ARPP21: variants seen among roughly 807,000 people sequenced by gnomAD.
The protein encoded by ARPP21 is cAMP regulated phosphoprotein 21, also known as cAMP-regulated phosphoprotein 21.
ARPP21 carries 69 observed loss-of-function variants against 113.2 expected under a neutral mutation model. The observed-to-expected ratio is 0.61, with a 90% confidence interval of 0.50 to 0.74. The LOEUF is 0.74. Among genes scored for constraint, ARPP21 ranks in the 30% least tolerant of loss-of-function variants. ARPP21 has a pLI of 0.00. For synonymous variants in ARPP21, 368 were observed against 375.5 expected, an observed-to-expected ratio of 0.98 and a Z score of 0.23; for missense variants, 1,070 against 1,037.4, an observed-to-expected ratio of 1.03 and a Z score of -0.43.
At chr3:35,690,263 G>C (rs941546790) in intron 8 of ARPP21, 123 bp downstream of exon 8, 1 of 632,336 alleles carries the variant, frequency 1.6e-6, no homozygotes, top group South Asian at 1.9e-5. Context: ...TCCTTGATTT[G>C]TTAAATGGAG....
chr3:35,715,262 T>A, intron 11 of ARPP21, 177 bp from the exon 12 acceptor site: 1 of 580,004 alleles, frequency 1.7e-6, no homozygotes, highest in African/African-American at 1.9e-5. Flanking sequence ...TGCATGAGAA[T>A]TGTTTACTTT....
At chr3:35,734,484 A>G (rs989913831) in intron 15 of ARPP21, among the ~76,000 whole-genome samples, 3 of 152,220 alleles carry the variant, frequency 2.0e-5, no homozygotes, top group Non-Finnish European at 2.9e-5. Context: ...AAGACCAAAC[A>G]GTTGATTTTG....
intron 11 of ARPP21, among the ~76,000 whole-genome samples, chr3:35,709,639 G>T (rs2090406238): frequency 1.3e-5 from 2 of 152,008 alleles, no homozygotes. Context: ...CAAAAAAAAT[G>T]GTTGGAATTT....
chr3:35,760,970 C>A (rs903925064), intron 19 of ARPP21, among the ~76,000 whole-genome samples: 2 of 152,072 alleles, frequency 1.3e-5, no homozygotes, highest in South Asian at 4.1e-4. Flanking sequence ...CTTTCAAAAG[C>A]ACTTTTTTTC....
rs557341825 is a variant in ARPP21 at position 35,793,946 on chromosome 3, G to A, written c.2532G>A (p.Gln844=). 5 of 1,613,454 alleles carry A rather than the reference G, an allele frequency of 3.1e-6. No homozygotes were observed. In the African/African-American group the frequency reaches 6.7e-5, roughly 22 times the overall value. ...CAAGTATGAGCAATGCTGGTTGGCA[G>A]GTCAAATTCTGAGAGCTCTGGCTGT... ...NCASMSNAGW[Q]VKF is the part of the protein sequence containing the mutation. The change falls in exon 21 of 21, where the codon CAG becomes CAA. Residue 844 remains glutamine, a synonymous_variant. Coordinates refer to ENST00000684406, the MANE Select transcript of ARPP21 (RefSeq NM_001385562.1).
At chr3:35,692,259 AG>A (rs1374251615) in intron 9 of ARPP21, among the ~76,000 whole-genome samples, 2 of 151,646 alleles carry the variant, frequency 1.3e-5, no homozygotes, top group Non-Finnish European at 3.0e-5. Flanking sequence ...AAAATTTATC[AG>A]GTTCCTATTT....
intron 5 of ARPP21, 162 bp downstream of exon 5, chr3:35,683,977 A>T (rs2079769221): frequency 3.0e-6 from 4 of 1,341,414 alleles, no homozygotes; most frequent in African/African-American, 1.4e-5. Flanking sequence ...ATTCTAAAAT[A>T]GTTTAATGGT....
chr3:35,739,373 G>A lies in ARPP21; in HGVS notation c.1806G>A (p.Gly602=). ...TGACCCTGAGCCGGCAGTCCTCGGGGGAGACTCCTGAACCCCCATCAGGTC... is the reference window on the plus strand; with the variant it reads ...TGACCCTGAGCCGGCAGTCCTCGGGAGAGACTCCTGAACCCCCATCAGGTC... ...GQMTLSRQSS[G]ETPEPPSGPV... Residue 602 remains glycine (G), a synonymous_variant, in exon 18 of 21, where the codon GGG becomes GGA. Transcript: ENST00000684406. The A allele has an allele frequency of 6.2e-7, 1 of 1,614,088 alleles. No homozygotes were observed. Among genetic ancestry groups the A allele is most frequent in the Non-Finnish European group, 8.5e-7 (1 of 1,180,014 alleles).
intron 17 of ARPP21, among the ~76,000 whole-genome samples, 170 bp from the exon 18 acceptor site, chr3:35,739,147 G>T (rs1344002638): frequency 6.6e-6 from 1 of 152,174 alleles, no homozygotes; most frequent in African/African-American, 2.4e-5. Context: ...TTGTCATGTT[G>T]TGTTCTCTTG....
At chr3:35,734,456 A>G (rs2094206083) in intron 15 of ARPP21, among the ~76,000 whole-genome samples, 1 of 152,242 alleles carries the variant, frequency 6.6e-6, no homozygotes, top group African/African-American at 2.4e-5. Flanking sequence ...AATGAAGAAC[A>G]TAGAAAAAAG....
intron 19 of ARPP21, among the ~76,000 whole-genome samples, chr3:35,756,300 T>A (rs1378293489): frequency 6.6e-6 from 1 of 152,110 alleles, no homozygotes; most frequent in Non-Finnish European, 1.5e-5. Context: ...ACTTAGGCAC[T>A]CTGTTTAGAG....
intron 19 of ARPP21, among the ~76,000 whole-genome samples, chr3:35,778,688 G>A (rs1043099481): frequency 1.3e-5 from 2 of 152,032 alleles, no homozygotes; most frequent in Non-Finnish European, 2.9e-5. Context: ...GGAGATGGGG[G>A]AAAAGTCACT....
At chr3:35,670,117 A>G (rs2075953329) in intron 1 of ARPP21, among the ~76,000 whole-genome samples, 1 of 152,174 alleles carries the variant, frequency 6.6e-6, no homozygotes, top group Non-Finnish European at 1.5e-5. Context: ...AATAATTCAC[A>G]GAGATTATAC....
At chr3:35,768,759 C>T (rs2096078900) in intron 19 of ARPP21, among the ~76,000 whole-genome samples, 1 of 152,126 alleles carries the variant, frequency 6.6e-6, no homozygotes, top group South Asian at 2.1e-4. Context: ...AAATCATTAC[C>T]ATAATACAGT....
intron 19 of ARPP21, among the ~76,000 whole-genome samples, chr3:35,757,569 C>T (rs11129667): frequency 0.24 from 35,744 of 151,912 alleles, 4,390 homozygotes; most frequent in Non-Finnish European, 0.26. Flanking sequence ...AAAGAGAAGA[C>T]AATCCAAGTG....
chr3:35,721,807 A>G lies in ARPP21; in HGVS notation c.1198A>G (p.Arg400Gly). 3.7e-6 allele frequency: 6 copies of G among 1,610,980 alleles called. No homozygotes were observed. The highest frequency in any genetic ancestry group is 5.1e-6 in the Non-Finnish European group (6 of 1,178,316). Residue 400 changes from arginine to glycine, a missense_variant, in exon 14 of 21, where the codon AGG becomes GGG. By Grantham distance (125) the Arg-to-Gly change is moderately radical (BLOSUM62 -2). Coordinates refer to ENST00000684406, the MANE Select transcript of ARPP21 (RefSeq NM_001385562.1). Reference protein sequence around the residue: ...LTRGDSTSSTRSTGKLSKAGS... With the variant: ...LTRGDSTSSTGSTGKLSKAGS... ...CAGGGGTGACAGCACTTCCAGTACTAGGAGTACCGGGAAGCTGTCCAAAGC... is the reference window on the plus strand; with the variant it reads ...CAGGGGTGACAGCACTTCCAGTACTGGGAGTACCGGGAAGCTGTCCAAAGC...
chr3:35,764,431 T>A (rs1235893599), intron 19 of ARPP21, among the ~76,000 whole-genome samples: 3 of 152,136 alleles, frequency 2.0e-5, no homozygotes, highest in Admixed American at 2.0e-4. Context: ...TTTTATGAGG[T>A]TTTTTTCCTC....
At chr3:35,661,320 T>C (rs933538347) in intron 1 of ARPP21, among the ~76,000 whole-genome samples, 10 of 152,168 alleles carry the variant, frequency 6.6e-5, no homozygotes, top group African/African-American at 2.4e-4. Context: ...AATGGTGAAT[T>C]TGTGCTGTTA....
chr3:35,751,892 T>C (rs1011523835), intron 19 of ARPP21, among the ~76,000 whole-genome samples: 3 of 152,088 alleles, frequency 2.0e-5, no homozygotes, highest in Non-Finnish European at 2.9e-5. Context: ...AACCATCTAA[T>C]ACCTGCAAGT....
Sources: gnomAD v4.1 joint callset for allele counts (sites outside exome capture counted in the v4.1 genomes callset) on GRCh38, gnomAD v4.1.1 for gene constraint, MANE v1.5 for transcripts, NCBI Gene and HGNC (gene_info 2026-07-23, HGNC 2026-07-21) for gene names.